Variants in ECPAS observed in about 807,000 individuals in gnomAD.
ECPAS encodes proteasome adapter and scaffold protein ECM29.
A neutral mutation model predicts 255.1 loss-of-function variants in ECPAS; 70 were observed. The observed-to-expected ratio is 0.27, with a 90% CI of 0.23 to 0.33. ECPAS has a LOEUF of 0.33. ECPAS is among the 10% of genes least tolerant of loss of function. ECPAS has a pLI of 1.00. For missense variants in ECPAS, 1,817 were observed against 2,206.4 expected (o/e 0.82, Z 3.54); for synonymous variants, 784 against 775.0 (o/e 1.01, Z -0.19).
At chr9:111,381,662 A>C (rs1358385031) in intron 35 of ECPAS, among the ~76,000 whole-genome samples, 4 of 152,206 alleles carry the variant, frequency 2.6e-5, no homozygotes, top group Admixed American at 6.5e-5. Context: ...ATTTGAAAGC[A>C]TATCCCTTAA....
At chr9:111,384,654 G>T in intron 33 of ECPAS, 85 bp from the exon 34 acceptor site, 1 of 1,184,656 alleles carries the variant, frequency 8.4e-7, no homozygotes, top group Middle Eastern at 1.9e-4. Context: ...ATTGCCTCAG[G>T]CCCTACAGAG....
At chr9:111,468,624 TGAGTGAGA>T (rs945726107) in intron 2 of ECPAS, among the ~76,000 whole-genome samples, 1 of 142,696 alleles carries the variant, frequency 7.0e-6, no homozygotes, top group African/African-American at 2.7e-5. Context: ...GCAAAGAGAG[TGAGTGAGA>T]GAGAGAGAGA....
At chr9:111,463,978 G>A (rs1162780689) in intron 2 of ECPAS, among the ~76,000 whole-genome samples, 1 of 152,132 alleles carries the variant, frequency 6.6e-6, no homozygotes, top group East Asian at 1.9e-4. Flanking sequence ...AGTCAGCAAA[G>A]AGATAAGGAA....
At chr9:111,474,559 G>A (rs183842178) in intron 1 of ECPAS, among the ~76,000 whole-genome samples, 27 of 152,128 alleles carry the variant, frequency 1.8e-4, no homozygotes, top group Admixed American at 1.4e-3. Context: ...CCTGTTACCC[G>A]TACAAAACAG....
At chr9:111,423,302 C>A in intron 12 of ECPAS, 54 bp from the exon 13 acceptor site, 1 of 1,234,432 alleles carries the variant, frequency 8.1e-7, no homozygotes, top group South Asian at 1.3e-5. Flanking sequence ...ACAGACAAAA[C>A]AAAAAATACA....
chr9:111,430,548 T>A lies in ECPAS; in HGVS notation c.929A>T (p.Glu310Val). 6.4e-7 allele frequency: 1 copy of A among 1,571,628 alleles called. No homozygotes were observed. Among genetic ancestry groups the A allele is most frequent in the Non-Finnish European group, 8.7e-7 (1 of 1,147,450 alleles). Residue 310 changes from glutamate to valine, a missense_variant and splice_region_variant, in exon 9 of 50, where the codon GAG becomes GTG. By Grantham distance (121) the Glu-to-Val change is moderately radical. Around this residue, in one of 4 missense-constraint regions of ECPAS, gnomAD observed 573 missense variants for 716.2 expected, o/e 0.80. Coordinates refer to ENST00000684092, the MANE Select transcript of ECPAS (RefSeq NM_001364929.1). ...TGAGAATAAATCAAAACAACCTACC[T>A]CTTTTGTCTTCAGTGGTATATCTCC... ...YLGDIPLKTK[E>V]GAVLKPELKR...
At chr9:111,376,609 T>A in intron 36 of ECPAS, 68 bp from the exon 37 acceptor site, 1 of 1,169,542 alleles carries the variant, frequency 8.6e-7, no homozygotes. Context: ...CAAACACCCA[T>A]AAAAGACTTT....
chr9:111,380,126 T>C (rs140900119), intron 35 of ECPAS, among the ~76,000 whole-genome samples: 63 of 152,366 alleles, frequency 4.1e-4, no homozygotes, highest in Admixed American at 1.1e-3. Flanking sequence ...TTACAAAATA[T>C]ACTTCTTGAA....
In ECPAS at chr9:111,440,288, T is replaced by C. The variant is rs78729517; in HGVS notation, c.539+84A>G. 2.9e-3 allele frequency: 3,595 copies of C among 1,237,336 alleles called. 90 individuals carry two copies. The African/African-American group carries it at 0.049, about 17-fold the overall frequency. The allele number at this position is 1,237,336 out of a possible 1,614,324, so 76.6% of individuals were successfully genotyped here. ...ATGTTGAGATGCATTCATTTACTAG[T>C]GAGAGTTTAATCATTTAAAATAGTA... On this transcript the variant is annotated intron_variant, in intron 6 of 49. Coordinates refer to ENST00000684092, the MANE Select transcript of ECPAS (RefSeq NM_001364929.1).
chr9:111,393,604 T>C, intron 27 of ECPAS, 76 bp downstream of exon 27: 1 of 957,074 alleles, frequency 1.0e-6, no homozygotes, highest in East Asian at 2.4e-5. Context: ...TTTTCTTTCA[T>C]GTTCATTAAT....
At chr9:111,459,531 G>C (rs2098270747) in intron 2 of ECPAS, among the ~76,000 whole-genome samples, 1 of 152,120 alleles carries the variant, frequency 6.6e-6, no homozygotes, top group Non-Finnish European at 1.5e-5. Context: ...ATCCCACCTA[G>C]AGTAGGAATC....
At chr9:111,366,872 T>C (rs1477481756) in intron 46 of ECPAS, among the ~76,000 whole-genome samples, 1 of 152,174 alleles carries the variant, frequency 6.6e-6, no homozygotes, top group African/African-American at 2.4e-5. Flanking sequence ...CCAAACAAAT[T>C]TCCTTGATCA....
chr9:111,390,949 A>G (rs535574016), intron 29 of ECPAS, among the ~76,000 whole-genome samples: 1 of 152,196 alleles, frequency 6.6e-6, no homozygotes, highest in Admixed American at 6.5e-5. Flanking sequence ...GAGAGCTGAC[A>G]GCTGTTGGCC....
intron 2 of ECPAS, among the ~76,000 whole-genome samples, chr9:111,455,084 C>T (rs778025236): frequency 1.6e-4 from 25 of 152,084 alleles, no homozygotes; most frequent in East Asian, 1.9e-4. Context: ...TATATGACTT[C>T]GGAGTTTCTA....
At chr9:111,455,930 G>C (rs1374153904) in intron 2 of ECPAS, among the ~76,000 whole-genome samples, 1 of 152,188 alleles carries the variant, frequency 6.6e-6, no homozygotes, top group East Asian at 1.9e-4. Context: ...ACAAATATAT[G>C]CTGAATCCTG....
rs554993744 is a variant in ECPAS, at chr9:111,391,811, C to T, written c.3106G>A (p.Val1036Ile). Residue 1036 changes from valine (V) to isoleucine (I), a missense_variant, in exon 29 of 50, where the codon GTT becomes ATT. By Grantham distance (29) the Val-to-Ile change is conservative (BLOSUM62 3). Around this residue, in one of 4 missense-constraint regions of ECPAS, gnomAD observed 960 missense variants for 1,179.0 expected, o/e 0.81. Transcript: ENST00000684092. Reference protein sequence around the residue: ...LMTGKRVKHEVSGETVVFQGG... With the variant: ...LMTGKRVKHEISGETVVFQGG... Reference sequence around the variant, plus strand: ...TGAAATACCACTGTCTCTCCAGAAACTTCATGTTTAACTCTAAACCAAAAC... The same window carrying T: ...TGAAATACCACTGTCTCTCCAGAAATTTCATGTTTAACTCTAAACCAAAAC... 6.2e-7 allele frequency: 1 copy of T among 1,605,770 alleles called. No homozygotes were observed. Among genetic ancestry groups the T allele is most frequent in the South Asian group, 1.1e-5 (1 of 89,562 alleles).
In ECPAS at chr9:111,434,798, A is replaced by G. The variant is rs144867754; in HGVS notation, c.709-1426T>C. On this transcript the variant is annotated intron_variant, in intron 7 of 49. Transcript: ENST00000684092. ...TTCTTAGTAGAGATGGGGTTTTGCC[A>G]TGTTGGTCAGGCTAGCCTCGAACTC... Among the ~76,000 whole-genome samples, 347 of 150,484 alleles carry G rather than the reference A, an allele frequency of 2.3e-3. 4 individuals are homozygous for G. Among genetic ancestry groups the G allele is most frequent in the African/African-American group, 8.3e-3 (339 of 40,914 alleles).
chr9:111,372,413 A>AAG lies in ECPAS; in HGVS notation c.4528+15_4528+16insCT, dbSNP rs1183048024. On this transcript the variant is annotated intron_variant, in intron 42 of 49. Coordinates refer to ENST00000684092, the MANE Select transcript of ECPAS (RefSeq NM_001364929.1). ...GATTCCTAAGAAGCAGGTTTAACTC[A>AAG]GGCCACACTACTAACCAGGTACGTT... The AAG allele has an allele frequency of 1.0e-5, 16 of 1,607,194 alleles. No homozygotes were observed. The highest frequency in any genetic ancestry group is 8.4e-5 in the Admixed American group (5 of 59,480).
Position 111,433,223 on chromosome 9 carries a change from AAGT to A in ECPAS, c.848+7_848+9del, listed in dbSNP as rs776764969. On this transcript the variant is annotated splice_region_variant and intron_variant, in intron 8 of 49. Transcript: ENST00000684092. ...CTTTCAATCTTGAAAGTTTACAGGGAAGTAGTTACCTCTGTTTGCTTTTCAATT... is the reference window on the plus strand; with the variant it reads ...CTTTCAATCTTGAAAGTTTACAGGGAAGTTACCTCTGTTTGCTTTTCAATT... 11 of 1,612,526 alleles carry A rather than the reference AAGT, an allele frequency of 6.8e-6. No homozygotes were observed. The South Asian group carries it at 1.2e-4, about 18-fold the overall frequency.
Sources: allele counts gnomAD v4.1 joint callset (sites outside exome capture counted in the v4.1 genomes callset), GRCh38; gene constraint gnomAD v4.1.1; regional missense constraint gnomAD v4.1.1; transcripts MANE v1.5; gene names NCBI Gene and HGNC (gene_info 2026-07-23, HGNC 2026-07-21).